Variants in ADAMTS17 observed in about 807,000 individuals in gnomAD.
ADAMTS17 encodes the protein ADAM metallopeptidase with thrombospondin type 1 motif 17, also known as A disintegrin and metalloproteinase with thrombospondin motifs 17.
In ADAMTS17, 113 loss-of-function variants were observed where a neutral mutation model predicts 141.5. The observed-to-expected ratio is 0.80, with a 90% CI of 0.69 to 0.93. ADAMTS17 has a LOEUF of 0.93. Among genes scored for constraint, ADAMTS17 ranks in the 40% least tolerant of loss-of-function variants. The probability of loss-of-function intolerance (pLI) is 0.00; values close to 1 mark genes in which losing one functional copy is unlikely to be tolerated. For missense variants in ADAMTS17, 1,659 were observed against 1,517.9 expected (o/e 1.09, Z -1.54); for synonymous variants, 768 against 630.6 (o/e 1.22, Z -3.27).
At chr15:100,313,402 A>G (rs73485942) in intron 3 of ADAMTS17, among the ~76,000 whole-genome samples, 12,659 of 152,334 alleles carry the variant, frequency 0.083, 598 homozygotes, top group Non-Finnish European at 0.11. Context: ...CCACATTAAT[A>G]TATCTATGCA....
At chr15:100,233,330 C>CAAA (rs34011548) in intron 7 of ADAMTS17, among the ~76,000 whole-genome samples, 18 of 137,526 alleles carry the variant, frequency 1.3e-4, no homozygotes, top group East Asian at 1.3e-3. Context: ...AACTCCATCT[C>CAAA]AAAAAAAAAA....
At chr15:100,171,763 C>T (rs986410075) in intron 8 of ADAMTS17, among the ~76,000 whole-genome samples, 1 of 152,166 alleles carries the variant, frequency 6.6e-6, no homozygotes, top group Non-Finnish European at 1.5e-5. Context: ...GCTCAGTGCT[C>T]ACCACATGGA....
At chr15:100,124,436 C>T (rs530275469) in intron 12 of ADAMTS17, among the ~76,000 whole-genome samples, 5 of 152,368 alleles carry the variant, frequency 3.3e-5, no homozygotes, top group African/African-American at 4.8e-5. Flanking sequence ...CTGCTACACA[C>T]GCATCCGAAC....
chr15:100,180,657 A>G (rs2141526735), intron 8 of ADAMTS17, among the ~76,000 whole-genome samples: 1 of 152,328 alleles, frequency 6.6e-6, no homozygotes, highest in Non-Finnish European at 1.5e-5. Flanking sequence ...TGAACGCTGA[A>G]TATCTTTCCA....
intron 15 of ADAMTS17, among the ~76,000 whole-genome samples, chr15:100,095,815 C>A (rs2035720846): frequency 6.6e-6 from 1 of 152,124 alleles, no homozygotes; most frequent in African/African-American, 2.4e-5. Flanking sequence ...TCCTGGCATC[C>A]CTCTCTAGGG....
At chr15:100,310,465 T>C (rs1483333663) in intron 3 of ADAMTS17, among the ~76,000 whole-genome samples, 4 of 152,234 alleles carry the variant, frequency 2.6e-5, no homozygotes, top group African/African-American at 9.7e-5. Context: ...ACTGGCTTCC[T>C]AAGAAATCCA....
At chr15:100,326,056 C>T (rs771032642) in intron 3 of ADAMTS17, among the ~76,000 whole-genome samples, 25 of 152,186 alleles carry the variant, frequency 1.6e-4, no homozygotes, top group Non-Finnish European at 3.5e-4. Context: ...GCTCCACACA[C>T]AGAAGCACAG....
At chr15:100,340,199 G>A (rs74038414) in intron 2 of ADAMTS17, among the ~76,000 whole-genome samples, 3 of 152,180 alleles carry the variant, frequency 2.0e-5, no homozygotes, top group African/African-American at 7.2e-5. Context: ...CTGAGTGCTC[G>A]TCTGGGCGCC....
At chr15:100,215,724 A>T (rs181519239) in intron 7 of ADAMTS17, among the ~76,000 whole-genome samples, 2,321 of 152,082 alleles carry the variant, frequency 0.015, 34 homozygotes, top group Non-Finnish European at 0.022. Context: ...CTCTGTAGGT[A>T]AGGGCAAATG....
At chr15:100,135,646 A>C (rs4965279) in intron 10 of ADAMTS17, among the ~76,000 whole-genome samples, 1 of 152,068 alleles carries the variant, frequency 6.6e-6, no homozygotes, top group African/African-American at 2.4e-5. Context: ...TTTGCAATAC[A>C]TAAGAGATTT....
At chr15:100,271,673 C>A (rs906058364) in intron 4 of ADAMTS17, among the ~76,000 whole-genome samples, 1 of 151,804 alleles carries the variant, frequency 6.6e-6, no homozygotes, top group African/African-American at 2.4e-5. Flanking sequence ...TCCTCCTATT[C>A]CGTGGGTTGC....
intron 15 of ADAMTS17, among the ~76,000 whole-genome samples, chr15:100,061,954 A>G (rs981479929): frequency 6.6e-6 from 1 of 152,250 alleles, no homozygotes; most frequent in Admixed American, 6.5e-5. Context: ...GGGGCTTCCA[A>G]TGCAAATGCT....
chr15:100,041,198 T>C (rs2031220768), intron 18 of ADAMTS17, among the ~76,000 whole-genome samples: 1 of 152,222 alleles, frequency 6.6e-6, no homozygotes, highest in South Asian at 2.1e-4. Flanking sequence ...AAAAACCAAA[T>C]ACGCTTCCTT....
At position 100,341,845 on chromosome 15, in the gene ADAMTS17, C is replaced by CCAG. The variant is rs745917164; in HGVS notation, c.52_54dup (p.Leu18dup). 13 of 1,552,772 alleles carry CCAG rather than the reference C, an allele frequency of 8.4e-6. No individual in the cohort carries two copies. Among genetic ancestry groups the CCAG allele is most frequent in the South Asian group, 3.6e-5 (3 of 84,210 alleles). ...CCTGTGCCCGGGTCCAGTCCCCAAA[C>CCAG]CAGCAGCAGCAGCACGGGCAGGACG... On this transcript the variant is annotated inframe_insertion, in exon 1 of 22. Coordinates refer to ENST00000268070, the MANE Select transcript of ADAMTS17 (RefSeq NM_139057.4).
intron 18 of ADAMTS17, among the ~76,000 whole-genome samples, chr15:100,004,481 C>A (rs1408286106): frequency 6.6e-6 from 1 of 152,170 alleles, no homozygotes; most frequent in Non-Finnish European, 1.5e-5. Flanking sequence ...AACTGTAGTT[C>A]CGTAAAACAA....
Position 99,978,018 on chromosome 15 carries a change from G to A in ADAMTS17, c.2950-1796C>T, listed in dbSNP as rs142127151. ...TGGGGTGGAGAGAGGGGAGCAGGGCGTGGAGGGTTTGGGCGCAGCCTTGTT... is the reference window on the plus strand; with the variant it reads ...TGGGGTGGAGAGAGGGGAGCAGGGCATGGAGGGTTTGGGCGCAGCCTTGTT... On this transcript the variant is annotated intron_variant, in intron 20 of 21. Coordinates refer to ENST00000268070, the MANE Select transcript of ADAMTS17 (RefSeq NM_139057.4). 5.4e-4 allele frequency among the ~76,000 whole-genome samples: 83 copies of A among 152,352 alleles called. 3 individuals carry two copies. The East Asian group carries it at 0.014, about 25-fold the overall frequency.
intron 12 of ADAMTS17, among the ~76,000 whole-genome samples, chr15:100,122,882 A>G (rs980295044): frequency 6.6e-6 from 1 of 152,186 alleles, no homozygotes; most frequent in Non-Finnish European, 1.5e-5. Context: ...ACCCATGTAT[A>G]AGTGGACCTG....
intron 7 of ADAMTS17, among the ~76,000 whole-genome samples, chr15:100,234,357 C>A (rs1269304582): frequency 6.6e-6 from 1 of 152,164 alleles, no homozygotes; most frequent in Non-Finnish European, 1.5e-5. Flanking sequence ...CCCAGGACAC[C>A]GCCTGGCATA....
At chr15:100,165,634 A>C (rs1358469348) in intron 8 of ADAMTS17, among the ~76,000 whole-genome samples, 1 of 152,198 alleles carries the variant, frequency 6.6e-6, no homozygotes, top group African/African-American at 2.4e-5. Context: ...AAACCCATGA[A>C]GTTATGTTAG....
Sources: allele counts gnomAD v4.1 joint callset (sites outside exome capture counted in the v4.1 genomes callset), GRCh38; gene constraint gnomAD v4.1.1; transcripts MANE v1.5; gene names NCBI Gene and HGNC (gene_info 2026-07-23, HGNC 2026-07-21).